The following MYH15 variants were observed in gnomAD, a reference collection of about 807,000 sequenced individuals.
The protein encoded by MYH15 is myosin-15.
In MYH15, 227 loss-of-function variants were observed where a neutral mutation model predicts 240.5. The ratio of observed to expected loss-of-function variants is 0.94; its 90% confidence interval spans 0.85 to 1.05. The LOEUF (loss-of-function observed/expected upper bound fraction) is 1.05. Among genes scored for constraint, MYH15 ranks in the 50% least tolerant of loss-of-function variants. The pLI, the probability that MYH15 is intolerant of heterozygous loss-of-function variation, is 0.00. For missense variants in MYH15, 2,217 were observed against 2,247.5 expected (o/e 0.99, Z 0.27); for synonymous variants, 785 against 796.7 (o/e 0.99, Z 0.25).
At chr3:108,428,933 T>C (rs1412907904) in intron 26 of MYH15, 52 bp from the exon 27 acceptor site, 3 of 1,495,182 alleles carry the variant, frequency 2.0e-6, no homozygotes, top group Non-Finnish European at 2.7e-6. Flanking sequence ...GCAAGAGCTT[T>C]ACTCTATTTT....
chr3:108,496,418 A>G (rs1222744881), intron 6 of MYH15, among the ~76,000 whole-genome samples: 1 of 152,224 alleles, frequency 6.6e-6, no homozygotes, highest in African/African-American at 2.4e-5. Flanking sequence ...ATAGGCAAAA[A>G]CAGATCATCT....
upstream of MYH15, chr3:108,510,648 T>C: frequency 6.6e-7 from 1 of 1,506,372 alleles, no homozygotes; most frequent in Non-Finnish European, 9.1e-7. Flanking sequence ...AAGCTCTAAA[T>C]GAGCAACCAT....
intron 36 of MYH15, among the ~76,000 whole-genome samples, chr3:108,392,564 C>T (rs898085529): frequency 3.3e-5 from 5 of 152,134 alleles, no homozygotes; most frequent in Admixed American, 1.3e-4. Context: ...AGAACATGGC[C>T]CTCACAGCCC....
chr3:108,540,659 A>G, the MYH15 span, among the ~76,000 whole-genome samples: 1 of 152,208 alleles, frequency 6.6e-6, no homozygotes, highest in Non-Finnish European at 1.5e-5. Flanking sequence ...TGAATACTTA[A>G]CAAGTTAAAA....
At chr3:108,381,930 T>C (rs569531726) in intron 40 of MYH15, among the ~76,000 whole-genome samples, 6 of 152,280 alleles carry the variant, frequency 3.9e-5, no homozygotes, top group African/African-American at 1.4e-4. Context: ...CAGTTGAGGA[T>C]TTTTTGGCTT....
Position 108,408,361 on chromosome 3 carries a change from C to A in MYH15, c.4539G>T (p.Lys1513Asn). ...NLTNQVREGT[K>N]NLTEMEKVKK... ...TGACCTTTTCCATTTCAGTTAAGTTCTTGGTCCCTTCTCTAACCTGGTTTG... is the reference window on the plus strand; with the variant it reads ...TGACCTTTTCCATTTCAGTTAAGTTATTGGTCCCTTCTCTAACCTGGTTTG... Residue 1513 changes from lysine to asparagine, a missense_variant, in exon 32 of 41, where the codon AAG (lysine) becomes AAT (asparagine). Coordinates refer to ENST00000693548, the MANE Select transcript of MYH15 (RefSeq NM_014981.3). The A allele has an allele frequency of 6.2e-7, 1 of 1,613,356 alleles. No individual in the cohort carries two copies.
At chr3:108,388,145 A>T (rs748409094) in intron 38 of MYH15, among the ~76,000 whole-genome samples, 2 of 152,222 alleles carry the variant, frequency 1.3e-5, no homozygotes, top group Non-Finnish European at 2.9e-5. Context: ...AGCTGGAACA[A>T]GCTATCATGT....
intron 29 of MYH15, among the ~76,000 whole-genome samples, chr3:108,416,260 G>T (rs907697147): frequency 5.9e-5 from 9 of 152,060 alleles, no homozygotes; most frequent in Admixed American, 5.9e-4. Context: ...GATAGTTTGG[G>T]GTCTTAGTAA....
intron 1 of MYH15, among the ~76,000 whole-genome samples, chr3:108,522,122 T>C (rs186649081): frequency 1.3e-5 from 2 of 152,128 alleles, no homozygotes; most frequent in East Asian, 1.9e-4. Context: ...GGGAGGGACA[T>C]GCACCAATAG....
intron 14 of MYH15, 25 bp downstream of exon 14, chr3:108,470,017 G>T: frequency 6.3e-7 from 1 of 1,585,322 alleles, no homozygotes; most frequent in Admixed American, 1.9e-5. Context: ...AAATGAAAAT[G>T]GACAAAGAGA....
chr3:108,546,557 T>C, the MYH15 span, among the ~76,000 whole-genome samples: 1 of 152,160 alleles, frequency 6.6e-6, no homozygotes, highest in Non-Finnish European at 1.5e-5. Flanking sequence ...GTGGACAGAA[T>C]GTAAAAAGTC....
intron 2 of MYH15, among the ~76,000 whole-genome samples, chr3:108,504,426 AT>A (rs1312555967): frequency 1.3e-5 from 2 of 152,218 alleles, no homozygotes; most frequent in Non-Finnish European, 2.9e-5. Flanking sequence ...TCAGGAAGAC[AT>A]ATGAAAGCAT....
At chr3:108,441,959 T>TTA (rs2082888205) in intron 22 of MYH15, among the ~76,000 whole-genome samples, 1 of 152,180 alleles carries the variant, frequency 6.6e-6, no homozygotes, top group Non-Finnish European at 1.5e-5. Context: ...TGTTTCTGTG[T>TTA]TATGGGTCAA....
At chr3:108,416,057 T>C (rs2082630588) in intron 29 of MYH15, among the ~76,000 whole-genome samples, 1 of 152,232 alleles carries the variant, frequency 6.6e-6, no homozygotes, top group Admixed American at 6.5e-5. Flanking sequence ...TTGACTGATA[T>C]GAAGATTGAG....
At chr3:108,525,139 T>C (rs1469748961) in intron 1 of MYH15, among the ~76,000 whole-genome samples, 1 of 152,056 alleles carries the variant, frequency 6.6e-6, no homozygotes. Context: ...TTCCAATCTT[T>C]AGAAGATGGG....
In MYH15 at chr3:108,444,717, A is replaced by C; in HGVS notation, c.2578T>G (p.Phe860Val). ...QLQKALEKSE[F>V]QREELKAKQV... ...TTTGCTTTCAGTTCCTCCCTCTGAA[A>C]CTCTGATTTCTCCAAGGCTTTCTGT... The change falls in exon 22 of 41, where the codon TTT becomes GTT. Residue 860 changes from phenylalanine (F) to valine (V), a missense_variant. Physicochemically the swap from Phe to Val is conservative, Grantham distance 50. Coordinates refer to ENST00000693548, the MANE Select transcript of MYH15 (RefSeq NM_014981.3). 3.7e-6 allele frequency: 6 copies of C among 1,613,494 alleles called. No individual in the cohort carries two copies. Among genetic ancestry groups the C allele is most frequent in the Non-Finnish European group, 5.1e-6 (6 of 1,179,826 alleles).
chr3:108,524,949 AAAG>A (rs1472372720), intron 1 of MYH15, among the ~76,000 whole-genome samples: 2 of 152,044 alleles, frequency 1.3e-5, no homozygotes, highest in Non-Finnish European at 2.9e-5. Flanking sequence ...AAGAAGAAGA[AAAG>A]AAGAGCCATG....
At chr3:108,493,932 C>T (rs1312362104) in intron 7 of MYH15, among the ~76,000 whole-genome samples, 1 of 152,282 alleles carries the variant, frequency 6.6e-6, no homozygotes, top group Non-Finnish European at 1.5e-5. Context: ...AGACGGGCAC[C>T]CTTTCTTCCT....
rs560100315 is a variant in MYH15 at position 108,402,923 on chromosome 3, G to A, written c.4736+2415C>T. ...TGTCTAATAAGATGGGAAGATCAAA[G>A]CCAGCTACCAGCTCTTCTTCTCCTT... On this transcript the variant is annotated intron_variant, in intron 33 of 40. Coordinates refer to ENST00000693548, the MANE Select transcript of MYH15 (RefSeq NM_014981.3). 3.3e-5 allele frequency among the ~76,000 whole-genome samples: 5 copies of A among 152,312 alleles called. No homozygotes were observed. The South Asian group carries it at 8.3e-4, about 25-fold the overall frequency.
Sources: allele counts gnomAD v4.1 joint callset (sites outside exome capture counted in the v4.1 genomes callset), GRCh38; gene constraint gnomAD v4.1.1; transcripts MANE v1.5; gene names NCBI Gene and HGNC (gene_info 2026-07-23, HGNC 2026-07-21).